PRKAR2A: variants seen among roughly 807,000 people sequenced by gnomAD.
The protein encoded by PRKAR2A is cAMP-dependent protein kinase type II-alpha regulatory subunit.
A neutral mutation model predicts 51.9 loss-of-function variants in PRKAR2A; 29 were observed. That is an observed-to-expected ratio of 0.56 (90% CI 0.42 to 0.76). The LOEUF is 0.76. PRKAR2A is among the 30% of genes least tolerant of loss of function. The pLI is 0.00. For missense variants in PRKAR2A, 445 were observed against 512.1 expected (o/e 0.87, Z 1.26); for synonymous variants, 178 against 186.2 (o/e 0.96, Z 0.36).
intron 2 of PRKAR2A, among the ~76,000 whole-genome samples, chr3:48,801,308 A>G (rs1315336794): frequency 6.6e-6 from 1 of 152,008 alleles, no homozygotes; most frequent in Non-Finnish European, 1.5e-5. Context: ...ACCTGCCACC[A>G]TACCCAGCTA....
At position 48,773,094 on chromosome 3, in the gene PRKAR2A, ATG is replaced by A. The variant is rs778795287; in HGVS notation, c.555_556del (p.Ile186PhefsTer6). 6.2e-7 allele frequency: 1 copy of A among 1,609,236 alleles called. No individual in the cohort carries two copies. The highest frequency in any genetic ancestry group is 1.1e-5 in the South Asian group (1 of 90,332). On this transcript the variant is annotated frameshift_variant, in exon 6 of 11. Coordinates refer to ENST00000265563, the MANE Select transcript of PRKAR2A (RefSeq NM_004157.4). LOFTEE classifies it high-confidence loss of function. ...GGTTTGATTATCTTTTGTTACTAAA[ATG>A]TCATAAGTTCCCCTAGAAGAATGAC...
chr3:48,762,025 T>C (rs942272307), intron 8 of PRKAR2A, among the ~76,000 whole-genome samples: 2 of 152,188 alleles, frequency 1.3e-5, no homozygotes, highest in South Asian at 2.1e-4. Flanking sequence ...TTTGCAAAGA[T>C]TTCCTAAAAT....
Position 48,808,596 on chromosome 3 carries a change from G to C in PRKAR2A, c.263-912C>G, listed in dbSNP as rs540366295. Among the ~76,000 whole-genome samples the C allele has an allele frequency of 1.8e-4, 19 of 105,062 alleles. No individual in the cohort carries two copies. The South Asian group carries it at 7.1e-3, about 39-fold the overall frequency. The allele number at this position is 105,062 out of a possible 152,430, so 68.9% of individuals were successfully genotyped here. A position where few individuals can be genotyped will look rare whatever the true frequency, so the allele number is the denominator to read the frequency against. On this transcript the variant is annotated intron_variant, in intron 1 of 10. Coordinates refer to ENST00000265563, the MANE Select transcript of PRKAR2A (RefSeq NM_004157.4). ...GAGTTTCATCATGTTGGCCAGGCTG[G>C]TCTTGAACTCCTGACAGGTGATCCG...
chr3:48,781,866 G>A (rs929999403), intron 5 of PRKAR2A, among the ~76,000 whole-genome samples: 3 of 151,934 alleles, frequency 2.0e-5, no homozygotes, highest in Admixed American at 1.3e-4. Context: ...GGCTGGTTTC[G>A]AACTCCGGAC....
intron 2 of PRKAR2A, among the ~76,000 whole-genome samples, chr3:48,807,161 G>T (rs2082686823): frequency 6.6e-6 from 1 of 152,094 alleles, no homozygotes; most frequent in Admixed American, 6.6e-5. Context: ...TTAAGATAAT[G>T]GTGGAAAAGA....
chr3:48,792,393 G>T (rs1454448914), intron 3 of PRKAR2A, among the ~76,000 whole-genome samples: 1 of 150,022 alleles, frequency 6.7e-6, no homozygotes, highest in Non-Finnish European at 1.5e-5. Flanking sequence ...GCCTGCCTCG[G>T]CCTCCCAAAG....
At chr3:48,769,083 G>C (rs1011485454) in intron 6 of PRKAR2A, among the ~76,000 whole-genome samples, 3 of 151,696 alleles carry the variant, frequency 2.0e-5, no homozygotes, top group East Asian at 1.9e-4. Flanking sequence ...CTGGATGACA[G>C]AGCAAGAGTC....
intron 1 of PRKAR2A, among the ~76,000 whole-genome samples, chr3:48,830,998 A>G (rs1021635611): frequency 2.6e-5 from 4 of 152,156 alleles, no homozygotes; most frequent in Non-Finnish European, 4.4e-5. Context: ...ATGAAGCTTC[A>G]CTTGCTTGCC....
In PRKAR2A at chr3:48,765,096, C is replaced by T. The variant is rs762742606; in HGVS notation, c.799-18G>A. 1.2e-6 allele frequency: 2 copies of T among 1,611,042 alleles called. No individual in the cohort carries two copies. The highest frequency in any genetic ancestry group is 1.7e-6 in the Non-Finnish European group (2 of 1,177,344). The stretch of plus-strand genomic sequence containing the variant: ...TCTGACACCTGAAACAACAAATTCA[C>T]AAATAAAAGGAAAAGACCTTAATTG... On this transcript the variant is annotated intron_variant, in intron 7 of 10. Coordinates refer to ENST00000265563, the MANE Select transcript of PRKAR2A (RefSeq NM_004157.4).
At chr3:48,823,645 G>C (rs1159591015) in intron 1 of PRKAR2A, among the ~76,000 whole-genome samples, 1 of 151,484 alleles carries the variant, frequency 6.6e-6, no homozygotes, top group African/African-American at 2.4e-5. Context: ...AATTAGCTGG[G>C]TATGGTGGCG....
At chr3:48,770,452 C>T (rs1055323799) in intron 6 of PRKAR2A, among the ~76,000 whole-genome samples, 1 of 152,134 alleles carries the variant, frequency 6.6e-6, no homozygotes. Context: ...TCAGTGACGA[C>T]ACCAGATCCT....
chr3:48,838,003 C>T (rs1181269781), intron 1 of PRKAR2A, among the ~76,000 whole-genome samples: 2 of 151,636 alleles, frequency 1.3e-5, no homozygotes, highest in Non-Finnish European at 2.9e-5. Flanking sequence ...ACAGGGAAAC[C>T]CCATCTCCAC....
intron 1 of PRKAR2A, among the ~76,000 whole-genome samples, chr3:48,835,647 A>C (rs1280383767): frequency 2.6e-5 from 4 of 151,408 alleles, no homozygotes; most frequent in Non-Finnish European, 4.4e-5. Context: ...CTCAAAAAAA[A>C]AAAAAAAAAA....
intron 4 of PRKAR2A, among the ~76,000 whole-genome samples, chr3:48,786,118 GT>G (rs764615947): frequency 4.8e-5 from 7 of 146,008 alleles, no homozygotes; most frequent in South Asian, 4.4e-4. Flanking sequence ...CAGTTTTTTG[GT>G]TTTTTTTTGT....
At chr3:48,834,042 A>G (rs2083239778) in intron 1 of PRKAR2A, among the ~76,000 whole-genome samples, 2 of 151,938 alleles carry the variant, frequency 1.3e-5, no homozygotes, top group South Asian at 2.1e-4. Flanking sequence ...CTTAAAAAAA[A>G]AAAAAAAAGA....
At chr3:48,816,888 A>G (rs1360522313) in intron 1 of PRKAR2A, among the ~76,000 whole-genome samples, 11 of 152,084 alleles carry the variant, frequency 7.2e-5, no homozygotes, top group Non-Finnish European at 1.6e-4. Context: ...TTAGCATTAA[A>G]CCAATTAAGG....
intron 4 of PRKAR2A, among the ~76,000 whole-genome samples, chr3:48,783,833 G>C (rs2082245967): frequency 6.6e-6 from 1 of 152,032 alleles, no homozygotes; most frequent in Non-Finnish European, 1.5e-5. Flanking sequence ...CACCCACCTT[G>C]GCTTCCCAAA....
chr3:48,801,604 T>G (rs1222329518), intron 2 of PRKAR2A, among the ~76,000 whole-genome samples: 6 of 152,108 alleles, frequency 3.9e-5, no homozygotes, highest in African/African-American at 1.4e-4. Flanking sequence ...TTATTTTATT[T>G]TGTTTTATTT....
intron 4 of PRKAR2A, among the ~76,000 whole-genome samples, chr3:48,783,885 CCA>C (rs1283640749): frequency 5.9e-5 from 9 of 152,062 alleles, no homozygotes; most frequent in African/African-American, 1.9e-4. Context: ...CCGGTGAACT[CCA>C]GTTTCTTCAT....
Sources: allele counts gnomAD v4.1 joint callset (sites outside exome capture counted in the v4.1 genomes callset), GRCh38; gene constraint gnomAD v4.1.1; transcripts MANE v1.5; gene names NCBI Gene and HGNC (gene_info 2026-07-23, HGNC 2026-07-21).